Variants in PTPN13 observed in about 807,000 individuals in gnomAD.
PTPN13 encodes protein tyrosine phosphatase non-receptor type 13.
A neutral mutation model predicts 284.0 loss-of-function variants in PTPN13; 191 were observed. That is an observed-to-expected ratio of 0.67 (90% CI 0.60 to 0.76). The LOEUF is 0.76. Among genes scored for constraint, PTPN13 ranks in the 30% least tolerant of loss-of-function variants. The probability of loss-of-function intolerance (pLI) is 0.00; values close to 1 mark genes in which losing one functional copy is unlikely to be tolerated. For synonymous variants in PTPN13, 986 were observed against 1,022.3 expected, an observed-to-expected ratio of 0.96 and a Z score of 0.68; for missense variants, 2,797 against 2,939.9, an observed-to-expected ratio of 0.95 and a Z score of 1.12.
chr4:86,639,504 AATG>A (rs1404345719), intron 2 of PTPN13, among the ~76,000 whole-genome samples: 1 of 152,324 alleles, frequency 6.6e-6, no homozygotes, highest in South Asian at 2.1e-4. Context: ...GCCATAAAAA[AATG>A]ATGAGTTCAT....
intron 40 of PTPN13, among the ~76,000 whole-genome samples, 177 bp from the exon 41 acceptor site, chr4:86,796,697 T>C (rs1333500327): frequency 1.3e-5 from 2 of 152,168 alleles, no homozygotes; most frequent in Non-Finnish European, 2.9e-5. Flanking sequence ...CAAAGACTGT[T>C]GGGCCACTGA....
At chr4:86,737,009 C>T (rs1198690159) in intron 15 of PTPN13, among the ~76,000 whole-genome samples, 1 of 152,100 alleles carries the variant, frequency 6.6e-6, no homozygotes, top group Admixed American at 6.6e-5. Context: ...CGTAAATCTG[C>T]TTTATTGCAG....
intron 6 of PTPN13, among the ~76,000 whole-genome samples, chr4:86,698,846 G>C (rs1052448569): frequency 6.6e-6 from 1 of 152,106 alleles, no homozygotes; most frequent in African/African-American, 2.4e-5. Context: ...GTAGCTAGGG[G>C]GAAATGTGGT....
intron 6 of PTPN13, among the ~76,000 whole-genome samples, chr4:86,699,137 C>A (rs982817957): frequency 2.0e-5 from 3 of 152,090 alleles, no homozygotes; most frequent in African/African-American, 7.2e-5. Flanking sequence ...CCTGTAATCC[C>A]AGCACTTTGG....
chr4:86,650,078 C>G (rs966361969), intron 2 of PTPN13, among the ~76,000 whole-genome samples: 4 of 147,326 alleles, frequency 2.7e-5, no homozygotes, highest in African/African-American at 1.0e-4. Context: ...CTCTGCCTCC[C>G]AGGTTCAAGT....
chr4:86,780,535 A>G, intron 36 of PTPN13, 63 bp downstream of exon 36: 1 of 1,121,980 alleles, frequency 8.9e-7, no homozygotes, highest in African/African-American at 1.5e-5. Flanking sequence ...TGGCACATCC[A>G]TTTTGGAAAA....
At chr4:86,663,444 C>T (rs892962818) in intron 2 of PTPN13, among the ~76,000 whole-genome samples, 1 of 152,158 alleles carries the variant, frequency 6.6e-6, no homozygotes. Context: ...TTCTTTGCGT[C>T]CCTGTGTCTT....
chr4:86,722,077 G>A (rs1733731294), intron 9 of PTPN13, 135 bp from the exon 10 acceptor site: 1 of 720,952 alleles, frequency 1.4e-6, no homozygotes, highest in Non-Finnish European at 2.3e-6. Flanking sequence ...ACTGTGTAAT[G>A]TAAAGATTCT....
chr4:86,637,579 C>T (rs986303866), intron 2 of PTPN13, among the ~76,000 whole-genome samples: 4 of 151,728 alleles, frequency 2.6e-5, no homozygotes, highest in Non-Finnish European at 5.9e-5. Flanking sequence ...AGACAAAAAC[C>T]ACATGATTAT....
intron 43 of PTPN13, 53 bp from the exon 44 acceptor site, chr4:86,805,226 A>C: frequency 8.3e-7 from 1 of 1,200,248 alleles, no homozygotes; most frequent in East Asian, 2.4e-5. Context: ...ATTTGAAGTT[A>C]TTACTGAATT....
At chr4:86,622,933 C>G (rs1212415984) in intron 1 of PTPN13, among the ~76,000 whole-genome samples, 1 of 152,180 alleles carries the variant, frequency 6.6e-6, no homozygotes, top group African/African-American at 2.4e-5. Flanking sequence ...CAAACCAACT[C>G]CTTTCACAGG....
intron 2 of PTPN13, among the ~76,000 whole-genome samples, chr4:86,645,350 T>C (rs779028610): frequency 1.3e-5 from 2 of 152,222 alleles, no homozygotes; most frequent in South Asian, 2.1e-4. Context: ...TCATTACTTA[T>C]ATTGAACATT....
intron 1 of PTPN13, among the ~76,000 whole-genome samples, chr4:86,632,978 T>C (rs923375387): frequency 7.9e-5 from 12 of 152,002 alleles, no homozygotes; most frequent in African/African-American, 2.9e-4. Flanking sequence ...CGGCTGATTT[T>C]ATTTTTTGTA....
rs975997840 is a variant in PTPN13 at position 86,750,586 on chromosome 4, C to T, written c.2767C>T (p.Arg923Ter). Residue 923 changes from arginine (R) to a stop codon, truncating the protein, a stop_gained, in exon 18 of 48, where the codon CGA becomes TGA. Coordinates refer to ENST00000411767, the MANE Select transcript of PTPN13 (RefSeq NM_080683.3). LOFTEE classifies it high-confidence loss of function. The stretch of plus-strand genomic sequence containing the variant: ...CAGCACCCTCAACAAACTTGCTGTT[C>T]GACCTTTATCAGTTCAAGCTGAGAT... ...ASSTLNKLAV[R>*]PLSVQAEILK... 4 of 1,613,908 alleles carry T rather than the reference C, an allele frequency of 2.5e-6. No homozygotes were observed. In the South Asian group the frequency reaches 4.4e-5, roughly 18 times the overall value.
At chr4:86,656,162 T>C (rs1407087109) in intron 2 of PTPN13, among the ~76,000 whole-genome samples, 1 of 152,176 alleles carries the variant, frequency 6.6e-6, no homozygotes, top group African/African-American at 2.4e-5. Flanking sequence ...TTTCAAGGTT[T>C]TTAGCTTCTT....
intron 36 of PTPN13, 132 bp from the exon 37 acceptor site, chr4:86,782,069 G>A (rs980522429): frequency 3.5e-6 from 2 of 571,292 alleles, no homozygotes; most frequent in Admixed American, 6.5e-5. Flanking sequence ...TAATCATTTT[G>A]TAATATGAAT....
At chr4:86,681,687 G>A (rs1000760314) in intron 3 of PTPN13, among the ~76,000 whole-genome samples, 3 of 152,136 alleles carry the variant, frequency 2.0e-5, no homozygotes, top group Non-Finnish European at 4.4e-5. Flanking sequence ...CAGCACTTTG[G>A]GAGACCAAGG....
rs549051965 is a variant in PTPN13, at chr4:86,610,082, C to T, written c.-6+15293C>T. 2.0e-5 allele frequency among the ~76,000 whole-genome samples: 3 copies of T among 152,138 alleles called. No homozygotes were observed. In the South Asian group the frequency reaches 6.2e-4, roughly 32 times the overall value. ...TACAAAAATTGGCCGGGTGTGGTGG[C>T]ACGCTCCTGTAGTCCCAGCTACTTG... On this transcript the variant is annotated intron_variant, in intron 1 of 47. Coordinates refer to ENST00000411767, the MANE Select transcript of PTPN13 (RefSeq NM_080683.3).
Position 86,814,621 on chromosome 4 carries a change from A to G in PTPN13, c.*70A>G, listed in dbSNP as rs1745604547. The stretch of plus-strand genomic sequence containing the variant: ...TCCAGCAGACTCCTGCTCTCTATCC[A>G]AAATAAAGATCACAGAGCAGCAAGT... On this transcript the variant is annotated 3_prime_UTR_variant, in exon 48 of 48. Transcript: ENST00000411767. 7.9e-7 allele frequency: 1 copy of G among 1,264,848 alleles called. No homozygotes were observed. Among genetic ancestry groups the G allele is most frequent in the Non-Finnish European group, 1.1e-6 (1 of 880,992 alleles). 78.4% of individuals were successfully genotyped at this position (1,264,848 alleles called of 1,614,324 possible).
Sources: gnomAD v4.1 joint callset for allele counts (sites outside exome capture counted in the v4.1 genomes callset) on GRCh38, gnomAD v4.1.1 for gene constraint, MANE v1.5 for transcripts, NCBI Gene and HGNC (gene_info 2026-07-23, HGNC 2026-07-21) for gene names.